The following CMTM7 variants were observed in gnomAD, a reference collection of about 807,000 sequenced individuals.
CMTM7 encodes CKLF-like MARVEL transmembrane domain-containing protein 7.
A neutral mutation model predicts 19.3 loss-of-function variants in CMTM7; 7 were observed. The observed-to-expected ratio is 0.36, with a 90% CI of 0.21 to 0.68. The LOEUF (loss-of-function observed/expected upper bound fraction) is 0.68, where lower values mean the gene tolerates loss of function less well. Ranked by LOEUF, CMTM7 falls within the 30% of genes least tolerant of loss-of-function variation. The probability of loss-of-function intolerance (pLI) is 0.60; values close to 1 mark genes in which losing one functional copy is unlikely to be tolerated. For missense variants in CMTM7, 193 were observed against 232.6 expected (o/e 0.83, Z 1.11); for synonymous variants, 87 against 99.3 (o/e 0.88, Z 0.74).
intron 1 of CMTM7, among the ~76,000 whole-genome samples, chr3:32,428,035 G>A (rs183688356): frequency 1.3e-5 from 2 of 152,344 alleles, no homozygotes; most frequent in African/African-American, 4.8e-5. Flanking sequence ...CTGGACACAA[G>A]GAAGGTCTGA....
At chr3:32,394,054 T>G (rs1695879642) in intron 1 of CMTM7, among the ~76,000 whole-genome samples, 1 of 152,236 alleles carries the variant, frequency 6.6e-6, no homozygotes, top group Non-Finnish European at 1.5e-5. Context: ...GTCTTACACC[T>G]GCCCTGGAGG....
At chr3:32,429,786 A>G (rs1696487720) in intron 1 of CMTM7, among the ~76,000 whole-genome samples, 1 of 151,968 alleles carries the variant, frequency 6.6e-6, no homozygotes, top group Non-Finnish European at 1.5e-5. Flanking sequence ...TTTTTAGTAG[A>G]GACGGGGTTT....
intron 1 of CMTM7, among the ~76,000 whole-genome samples, chr3:32,408,790 G>A (rs1027005206): frequency 6.6e-6 from 1 of 152,062 alleles, no homozygotes; most frequent in Non-Finnish European, 1.5e-5. Flanking sequence ...GGTCAAATTA[G>A]CATTGCTTAA....
chr3:32,404,142 C>CTTTTTTTTCT lies in CMTM7; in HGVS notation c.159+12085_159+12086insCTTTTTTTTT, dbSNP rs1559401304. ...CCTTTGTTTAATCTTTTCTTTCTTT[C>CTTTTTTTTCT]TTTTTTTTTCTTTTTTTTTCTTTTT... On this transcript the variant is annotated intron_variant, in intron 1 of 4. Transcript: ENST00000334983. 4.2e-3 allele frequency among the ~76,000 whole-genome samples: 460 copies of CTTTTTTTTCT among 109,188 alleles called. 34 individuals carry two copies. The highest frequency in any genetic ancestry group is 0.016 in the African/African-American group (366 of 23,536). The allele number at this position is 109,188 out of a possible 152,430, so 71.6% of individuals were successfully genotyped here.
intron 1 of CMTM7, among the ~76,000 whole-genome samples, chr3:32,395,257 G>A (rs1177829080): frequency 1.3e-5 from 2 of 152,090 alleles, no homozygotes; most frequent in East Asian, 1.9e-4. Flanking sequence ...TGTCCACCTC[G>A]GCCTCCCCAA....
intron 1 of CMTM7, among the ~76,000 whole-genome samples, chr3:32,435,780 C>T (rs1422067821): frequency 6.6e-6 from 1 of 151,958 alleles, no homozygotes; most frequent in Non-Finnish European, 1.5e-5. Context: ...ACTATATAGC[C>T]AATGAAAAGA....
intron 2 of CMTM7, among the ~76,000 whole-genome samples, chr3:32,445,733 C>G (rs1696745225): frequency 6.6e-6 from 1 of 151,928 alleles, no homozygotes; most frequent in South Asian, 2.1e-4. Flanking sequence ...CCAGGCTGGT[C>G]TTGAACTCTT....
intron 3 of CMTM7, chr3:32,451,196 A>T (rs1376517037): frequency 6.6e-6 from 1 of 152,350 alleles, no homozygotes; most frequent in Admixed American, 6.5e-5. Context: ...GAAGAAGTGG[A>T]TGTGGGCTGG....
rs751659931 is a variant in CMTM7 at position 32,449,475 on chromosome 3, G to T, written c.355G>T (p.Gly119Cys). 2 of 1,613,828 alleles carry T rather than the reference G, an allele frequency of 1.2e-6. No homozygotes were observed. The highest frequency in any genetic ancestry group is 1.7e-6 in the Non-Finnish European group (2 of 1,179,932). Reference protein sequence around the residue: ...PLSELLHYLIGTLLLLIASIV... With the variant: ...PLSELLHYLICTLLLLIASIV... ...CCAGGAACTTCTGCACTATTTAATC[G>T]GTACCCTGCTCCTCCTCATCGCCTC... Residue 119 changes from glycine (G) to cysteine (C), a missense_variant, in exon 3 of 5, where the codon GGT becomes TGT. By Grantham distance (159) the Gly-to-Cys change is radical. Coordinates refer to ENST00000334983, the MANE Select transcript of CMTM7 (RefSeq NM_138410.4). This position sits in a 1 kb window ranked among gnomAD's most constrained non-coding sequence, Gnocchi z 4.5.
intron 1 of CMTM7, among the ~76,000 whole-genome samples, chr3:32,393,563 A>G (rs890131764): frequency 3.3e-5 from 5 of 152,134 alleles, no homozygotes; most frequent in Non-Finnish European, 5.9e-5. Flanking sequence ...TTGTTGGTCT[A>G]TGAGTTTGGT....
At chr3:32,416,642 G>A (rs992909665) in intron 1 of CMTM7, among the ~76,000 whole-genome samples, 1 of 151,726 alleles carries the variant, frequency 6.6e-6, no homozygotes, top group Non-Finnish European at 1.5e-5. Context: ...CAACCGCCTC[G>A]GCCTCCCAAA....
chr3:32,413,600 T>C (rs1007370312), intron 1 of CMTM7, among the ~76,000 whole-genome samples: 2 of 152,192 alleles, frequency 1.3e-5, no homozygotes, highest in African/African-American at 4.8e-5. Flanking sequence ...ATTTTTTTAT[T>C]AGTGCAACAC....
rs1220241306 is a variant in CMTM7 at position 32,425,827 on chromosome 3, C to T, written c.160-16013C>T. 7.2e-5 allele frequency among the ~76,000 whole-genome samples: 11 copies of T among 152,206 alleles called. 1 individual carries two copies. In the Middle Eastern group the frequency reaches 0.024, roughly 329 times the overall value. ...GATATTTTTGAGCAGGAAAGGACACCGGTCGGCACCTGGTCACAAGCATAA... is the reference window on the plus strand; with the variant it reads ...GATATTTTTGAGCAGGAAAGGACACTGGTCGGCACCTGGTCACAAGCATAA... On this transcript the variant is annotated intron_variant, in intron 1 of 4. Coordinates refer to ENST00000334983, the MANE Select transcript of CMTM7 (RefSeq NM_138410.4).
chr3:32,435,595 T>C (rs1195468415), intron 1 of CMTM7, among the ~76,000 whole-genome samples: 1 of 152,160 alleles, frequency 6.6e-6, no homozygotes, highest in Non-Finnish European at 1.5e-5. Context: ...CATTTTTGGT[T>C]GTTGTAAGTG....
intron 2 of CMTM7, among the ~76,000 whole-genome samples, chr3:32,442,532 A>C (rs1332205257): frequency 6.8e-6 from 1 of 146,478 alleles, no homozygotes; most frequent in African/African-American, 2.5e-5. Context: ...AAAAAAGAAG[A>C]AGGCTGTGGC....
chr3:32,399,224 G>A (rs1045126817), intron 1 of CMTM7, among the ~76,000 whole-genome samples: 3 of 150,210 alleles, frequency 2.0e-5, no homozygotes, highest in Non-Finnish European at 4.4e-5. Flanking sequence ...GGGCTGTACC[G>A]CCCCCTAGGG....
At chr3:32,419,919 CCTCT>C (rs1048897550) in intron 1 of CMTM7, among the ~76,000 whole-genome samples, 8 of 152,134 alleles carry the variant, frequency 5.3e-5, no homozygotes, top group Non-Finnish European at 1.0e-4. Context: ...GTCTCTCTTT[CCTCT>C]CTGTGTGGTT....
At chr3:32,442,935 TC>T (rs1696703134) in intron 2 of CMTM7, among the ~76,000 whole-genome samples, 3 of 152,176 alleles carry the variant, frequency 2.0e-5, no homozygotes, top group Admixed American at 1.3e-4. Context: ...CTACCACTCA[TC>T]CCTCCAGTCC....
intron 3 of CMTM7, among the ~76,000 whole-genome samples, chr3:32,450,396 A>C (rs546946352): frequency 6.6e-6 from 1 of 152,268 alleles, no homozygotes; most frequent in Admixed American, 6.5e-5. Context: ...CCTGTGTCTT[A>C]AAAAAAGAAA....
Sources: allele counts gnomAD v4.1 joint callset (sites outside exome capture counted in the v4.1 genomes callset), GRCh38; gene constraint gnomAD v4.1.1; non-coding constraint Gnocchi (gnomAD v3.1); transcripts MANE v1.5; gene names NCBI Gene and HGNC (gene_info 2026-07-23, HGNC 2026-07-21).